The following MGAT5 variants were observed in gnomAD, a reference collection of about 807,000 sequenced individuals.
MGAT5 encodes the protein alpha-1,6-mannosylglycoprotein 6-beta-N-acetylglucosaminyltransferase A.
In MGAT5, 30 loss-of-function variants were observed where a neutral mutation model predicts 94.3. The ratio of observed to expected loss-of-function variants is 0.32; its 90% CI spans 0.24 to 0.43. MGAT5 has a LOEUF of 0.43. MGAT5 is among the 20% of genes least tolerant of loss of function. MGAT5 has a pLI of 1.00. For synonymous variants in MGAT5, 310 were observed against 322.9 expected (o/e 0.96, Z 0.43); for missense variants, 691 against 905.5 (o/e 0.76, Z 3.04).
chr2:134,285,515 T>C (rs1426553615), intron 2 of MGAT5, among the ~76,000 whole-genome samples: 2 of 152,192 alleles, frequency 1.3e-5, no homozygotes, highest in African/African-American at 4.8e-5. Flanking sequence ...AAGCCCTTTT[T>C]AAGTTTAGTA....
chr2:134,354,483 C>T (rs927430512), intron 9 of MGAT5, among the ~76,000 whole-genome samples: 4 of 152,138 alleles, frequency 2.6e-5, no homozygotes, highest in South Asian at 2.1e-4. Context: ...TACGCTGGAC[C>T]GGAATGTGTT....
chr2:134,205,492 G>T (rs767859922), intron 1 of MGAT5, among the ~76,000 whole-genome samples: 2 of 152,172 alleles, frequency 1.3e-5, no homozygotes, highest in African/African-American at 2.4e-5. Context: ...AGGGCTTAAG[G>T]GTCTTGCTGG....
intron 1 of MGAT5, among the ~76,000 whole-genome samples, chr2:134,164,187 A>G (rs1687862787): frequency 6.6e-6 from 1 of 152,202 alleles, no homozygotes; most frequent in African/African-American, 2.4e-5. Context: ...TTAATTCCTG[A>G]AAATCTTTTA....
intron 2 of MGAT5, among the ~76,000 whole-genome samples, chr2:134,302,536 G>A (rs1686077539): frequency 6.6e-6 from 1 of 152,048 alleles, no homozygotes; most frequent in Non-Finnish European, 1.5e-5. Context: ...ACCATCTAAT[G>A]TCCTTTCCCT....
chr2:134,282,453 G>A (rs1227931748), intron 2 of MGAT5, among the ~76,000 whole-genome samples: 6 of 152,336 alleles, frequency 3.9e-5, no homozygotes, highest in African/African-American at 1.4e-4. Flanking sequence ...TTAAAAAACA[G>A]TGCTTCTGTA....
intron 1 of MGAT5, among the ~76,000 whole-genome samples, chr2:134,230,342 A>G (rs1243602862): frequency 1.3e-5 from 2 of 152,152 alleles, no homozygotes; most frequent in Admixed American, 1.3e-4. Context: ...CCAGTTCCTA[A>G]CAGGCCAAGG....
intron 1 of MGAT5, among the ~76,000 whole-genome samples, chr2:134,239,501 A>G (rs1014877450): frequency 6.6e-6 from 1 of 152,158 alleles, no homozygotes; most frequent in African/African-American, 2.4e-5. Context: ...AAATCACTTA[A>G]TAGTCTGAGC....
At chr2:134,195,116 T>C (rs1262967434) in intron 1 of MGAT5, among the ~76,000 whole-genome samples, 13 of 151,784 alleles carry the variant, frequency 8.6e-5, no homozygotes. Flanking sequence ...ATAGTGGAGG[T>C]TGTTAACCTC....
chr2:134,301,131 G>A (rs1045228166), intron 2 of MGAT5, among the ~76,000 whole-genome samples: 1 of 152,056 alleles, frequency 6.6e-6, no homozygotes, highest in African/African-American at 2.4e-5. Context: ...GAACATTTTT[G>A]CAGAGTCCGG....
chr2:134,154,167 TGAG>T (rs1174040909), intron 1 of MGAT5, among the ~76,000 whole-genome samples: 2 of 152,142 alleles, frequency 1.3e-5, no homozygotes, highest in African/African-American at 2.4e-5. Context: ...CAGCAGGTAA[TGAG>T]GAGGAATTTG....
intron 1 of MGAT5, among the ~76,000 whole-genome samples, chr2:134,181,455 G>T (rs1688730594): frequency 6.6e-6 from 1 of 152,196 alleles, no homozygotes; most frequent in Non-Finnish European, 1.5e-5. Flanking sequence ...TCCTGAGGGT[G>T]GGGCAACGGA....
upstream of MGAT5, among the ~76,000 whole-genome samples, chr2:134,249,568 G>A (rs1223626120): frequency 6.6e-6 from 1 of 152,110 alleles, no homozygotes. Context: ...TCTATGTGTA[G>A]CATAATCAGT....
At chr2:134,419,701 C>T (rs1452846720) in intron 12 of MGAT5, among the ~76,000 whole-genome samples, 1 of 152,024 alleles carries the variant, frequency 6.6e-6, no homozygotes, top group Non-Finnish European at 1.5e-5. Flanking sequence ...CACAAAATGC[C>T]TCACTCATAA....
At chr2:134,183,239 A>G (rs185264417) in intron 1 of MGAT5, among the ~76,000 whole-genome samples, 1 of 152,338 alleles carries the variant, frequency 6.6e-6, no homozygotes, top group Non-Finnish European at 1.5e-5. Context: ...ACTAATCATA[A>G]TATTGTTCTT....
At chr2:134,359,543 C>G (rs1309361729) in intron 9 of MGAT5, among the ~76,000 whole-genome samples, 2 of 152,188 alleles carry the variant, frequency 1.3e-5, no homozygotes, top group East Asian at 3.9e-4. Context: ...TTTTAAAAAT[C>G]ACATTTGTTT....
At chr2:134,317,349 C>G (rs1277103006) in intron 2 of MGAT5, among the ~76,000 whole-genome samples, 180 bp from the exon 3 acceptor site, 1 of 152,114 alleles carries the variant, frequency 6.6e-6, no homozygotes. Flanking sequence ...GTCCTCAGGT[C>G]AGTCATCACT....
intron 14 of MGAT5, among the ~76,000 whole-genome samples, chr2:134,433,805 A>G (rs2106395600): frequency 6.8e-6 from 1 of 147,746 alleles, no homozygotes; most frequent in South Asian, 2.2e-4. Flanking sequence ...CCCAAACCCC[A>G]TTTTCATGGT....
At chr2:134,276,729 A>G (rs1365144911) in intron 2 of MGAT5, among the ~76,000 whole-genome samples, 2 of 152,194 alleles carry the variant, frequency 1.3e-5, no homozygotes, top group Non-Finnish European at 2.9e-5. Context: ...GTATTTCCAG[A>G]GAATAATTAT....
intron 1 of MGAT5, among the ~76,000 whole-genome samples, chr2:134,260,998 C>CAGT (rs1558740463): frequency 6.6e-6 from 1 of 152,070 alleles, no homozygotes; most frequent in African/African-American, 2.4e-5. Context: ...CCAGCCTGCC[C>CAGT]AGTATCCTCA....
Sources: allele counts gnomAD v4.1 joint callset (sites outside exome capture counted in the v4.1 genomes callset), GRCh38; gene constraint gnomAD v4.1.1; transcripts MANE v1.5; gene names NCBI Gene and HGNC (gene_info 2026-07-23, HGNC 2026-07-21).